SPAG16: variants seen among roughly 807,000 people sequenced by gnomAD.
The protein encoded by SPAG16 is sperm associated antigen 16, also known as sperm-associated antigen 16 protein.
Under a neutral mutation model 80.4 loss-of-function variants are expected in SPAG16, and 86 were observed. That is an observed-to-expected ratio of 1.07 (90% CI 0.90 to 1.28). SPAG16 has a LOEUF of 1.28. Among genes scored for constraint, SPAG16 ranks in the 50% most tolerant of loss-of-function variants. The probability of loss-of-function intolerance (pLI) is 0.00; values close to 1 mark genes in which losing one functional copy is unlikely to be tolerated. For synonymous variants in SPAG16, 294 were observed against 265.9 expected (o/e 1.11, Z -1.03); for missense variants, 870 against 765.3 (o/e 1.14, Z -1.61).
chr2:213,870,774 A>G (rs2114641), intron 11 of SPAG16, among the ~76,000 whole-genome samples: 90,330 of 151,962 alleles, frequency 0.59, 28,728 homozygotes, highest in South Asian at 0.85. Flanking sequence ...CTGTAAAACT[A>G]GTATTGCCTC....
At position 214,052,181 on chromosome 2, in the gene SPAG16, G is replaced by C. The variant is rs77763697; in HGVS notation, c.1527+38104G>C. 6.6e-3 allele frequency among the ~76,000 whole-genome samples: 1,003 copies of C among 152,318 alleles called. 12 individuals are homozygous for C. The highest frequency in any genetic ancestry group is 0.023 in the African/African-American group (968 of 41,576). The stretch of plus-strand genomic sequence containing the variant: ...TAGAAAAGGGCAGCCAATTTAAAAA[G>C]CTTCTTACGATAGAAGCATTGTCAT... On this transcript the variant is annotated intron_variant, in intron 13 of 15. Transcript: ENST00000331683.
chr2:214,250,110 ATATCAGTTTCACTCACATTCTCATT>A (rs1690141664), intron 15 of SPAG16: 1 of 152,170 alleles, frequency 6.6e-6, no homozygotes, highest in Non-Finnish European at 1.5e-5. Flanking sequence ...CAGCAATTAC[ATATCAGTTTCACTCACATTCTCATT>A]GACAAGAATT....
At chr2:213,654,196 G>A (rs182420822) in intron 10 of SPAG16, among the ~76,000 whole-genome samples, 38 of 152,146 alleles carry the variant, frequency 2.5e-4, no homozygotes, top group African/African-American at 7.2e-4. Flanking sequence ...CCACTGGCCT[G>A]TATCTTAAAT....
At chr2:214,114,065 C>T (rs2053811361) in intron 14 of SPAG16, among the ~76,000 whole-genome samples, 1 of 152,072 alleles carries the variant, frequency 6.6e-6, no homozygotes, top group African/African-American at 2.4e-5. Context: ...GTTATTTTTC[C>T]TTCTGACAGT....
intron 12 of SPAG16, among the ~76,000 whole-genome samples, chr2:213,984,804 G>A (rs751935583): frequency 1.3e-5 from 2 of 151,884 alleles, no homozygotes; most frequent in South Asian, 2.1e-4. Context: ...TAGTGCTGAC[G>A]CCACTAGCCT....
intron 15 of SPAG16, among the ~76,000 whole-genome samples, chr2:214,364,278 A>G (rs1169595733): frequency 6.6e-6 from 1 of 152,000 alleles, no homozygotes; most frequent in Non-Finnish European, 1.5e-5. Flanking sequence ...ACTCATTACC[A>G]CCTTTTGATG....
At chr2:213,301,254 C>CCCAG (rs752059216) in intron 3 of SPAG16, among the ~76,000 whole-genome samples, 22 of 152,082 alleles carry the variant, frequency 1.4e-4, no homozygotes, top group Non-Finnish European at 2.8e-4. Flanking sequence ...TAGTTAGAGA[C>CCCAG]CCAGGCTCCT....
At chr2:214,035,433 C>A (rs2048645024) in intron 13 of SPAG16, among the ~76,000 whole-genome samples, 1 of 152,196 alleles carries the variant, frequency 6.6e-6, no homozygotes, top group Admixed American at 6.5e-5. Flanking sequence ...AGGCCAATGC[C>A]AAGCTGCCCT....
intron 10 of SPAG16, among the ~76,000 whole-genome samples, chr2:213,670,301 T>C (rs922755181): frequency 4.6e-5 from 7 of 152,138 alleles, no homozygotes; most frequent in Non-Finnish European, 1.0e-4. Flanking sequence ...AGGCCAAGCA[T>C]GTTCTAATTC....
intron 9 of SPAG16, among the ~76,000 whole-genome samples, chr2:213,415,116 A>G (rs2069178470): frequency 6.6e-6 from 1 of 152,238 alleles, no homozygotes; most frequent in Admixed American, 6.5e-5. Flanking sequence ...TTGACTGGGA[A>G]CACAGAGCCA....
chr2:214,026,127 G>A (rs920287729), intron 13 of SPAG16, among the ~76,000 whole-genome samples: 1 of 151,400 alleles, frequency 6.6e-6, no homozygotes, highest in Non-Finnish European at 1.5e-5. Context: ...AGTTTCTTTA[G>A]AAAAGCTAAC....
intron 15 of SPAG16, among the ~76,000 whole-genome samples, chr2:214,227,575 T>G (rs1688357745): frequency 6.6e-6 from 1 of 151,950 alleles, no homozygotes; most frequent in East Asian, 1.9e-4. Context: ...TTGCTGTAAC[T>G]GCTGTAGCTG....
At chr2:213,973,340 C>T (rs1342613093) in intron 12 of SPAG16, among the ~76,000 whole-genome samples, 1 of 152,024 alleles carries the variant, frequency 6.6e-6, no homozygotes, top group Admixed American at 6.6e-5. Context: ...GCAGGTTCTT[C>T]ATTTGCCTTC....
intron 10 of SPAG16, among the ~76,000 whole-genome samples, chr2:213,539,612 A>T (rs1396618705): frequency 1.3e-5 from 2 of 152,188 alleles, no homozygotes; most frequent in African/African-American, 4.8e-5. Flanking sequence ...AAAAAAATGC[A>T]TGATTGAGTG....
chr2:214,089,049 G>A (rs1327355149), intron 13 of SPAG16, among the ~76,000 whole-genome samples: 2 of 152,054 alleles, frequency 1.3e-5, no homozygotes, highest in African/African-American at 2.4e-5. Context: ...TCAAAATAGA[G>A]AATATATTAA....
chr2:213,517,222 A>G (rs899986970), intron 10 of SPAG16, among the ~76,000 whole-genome samples: 3 of 152,308 alleles, frequency 2.0e-5, no homozygotes, highest in South Asian at 2.1e-4. Context: ...GCGGCAAAGA[A>G]AACAAAATAC....
chr2:214,126,903 A>G (rs1397532189), intron 14 of SPAG16, among the ~76,000 whole-genome samples: 3 of 151,890 alleles, frequency 2.0e-5, no homozygotes, highest in Admixed American at 6.7e-5. Context: ...ATTATCCCCA[A>G]GTACTTAAGA....
intron 15 of SPAG16, among the ~76,000 whole-genome samples, chr2:214,209,686 T>C (rs2058238292): frequency 6.6e-6 from 1 of 152,154 alleles, no homozygotes; most frequent in Non-Finnish European, 1.5e-5. Flanking sequence ...TGCTCCCAAT[T>C]CATCAGTTAC....
chr2:213,669,816 C>T (rs531460068), intron 10 of SPAG16, among the ~76,000 whole-genome samples: 3 of 152,198 alleles, frequency 2.0e-5, no homozygotes, highest in African/African-American at 4.8e-5. Context: ...TGCTTCCACT[C>T]GTAAATTCTC....
Sources: allele counts gnomAD v4.1 joint callset (sites outside exome capture counted in the v4.1 genomes callset), GRCh38; gene constraint gnomAD v4.1.1; transcripts MANE v1.5; gene names NCBI Gene and HGNC (gene_info 2026-07-23, HGNC 2026-07-21).